Variants in GATA4 observed in about 807,000 individuals in gnomAD.
GATA4 encodes transcription factor GATA-4.
GATA4 carries 7 observed loss-of-function variants against 37.9 expected under a neutral mutation model. The observed-to-expected ratio is 0.18, with a 90% CI of 0.11 to 0.35. GATA4 has a LOEUF of 0.35. Ranked by LOEUF, GATA4 falls within the 10% of genes least tolerant of loss-of-function variation. GATA4 has a pLI of 1.00. For missense variants in GATA4, 647 were observed against 653.0 expected (o/e 0.99, Z 0.10); for synonymous variants, 372 against 292.6 (o/e 1.27, Z -2.77).
chr8:11,747,272 G>A (rs917345728), intron 2 of GATA4, among the ~76,000 whole-genome samples: 3 of 152,214 alleles, frequency 2.0e-5, no homozygotes, highest in Non-Finnish European at 4.4e-5. Context: ...TAGAGACTAC[G>A]GGGAGCAAGA....
intron 2 of GATA4, among the ~76,000 whole-genome samples, chr8:11,743,617 TC>T (rs1801872359): frequency 1.3e-5 from 2 of 152,362 alleles, no homozygotes; most frequent in Admixed American, 1.3e-4. Flanking sequence ...TCCCGTGCCT[TC>T]CCTCTCCCCG....
At chr8:11,736,557 G>T (rs933929895) in intron 2 of GATA4, among the ~76,000 whole-genome samples, 1 of 152,236 alleles carries the variant, frequency 6.6e-6, no homozygotes, top group African/African-American at 2.4e-5. Context: ...TGCAGCCCAG[G>T]GCGCCCTCTA....
At chr8:11,697,930 G>A (rs556477047) in intron 1 of GATA4, 2 of 985,482 alleles carry the variant, frequency 2.0e-6, no homozygotes, top group African/African-American at 3.5e-5. Context: ...CCCCTGATGT[G>A]CGCGTTGAGG....
At chr8:11,756,633 G>A in intron 5 of GATA4, 2 of 469,404 alleles carry the variant, frequency 4.3e-6, no homozygotes, top group South Asian at 2.1e-5. Context: ...GAGGTATTCT[G>A]TAATAATACA....
chr8:11,690,767 A>T (rs1205207348), upstream of GATA4, among the ~76,000 whole-genome samples: 1 of 152,192 alleles, frequency 6.6e-6, no homozygotes, highest in Non-Finnish European at 1.5e-5. Flanking sequence ...GCTACTCCGG[A>T]GGCCGAGGTG....
chr8:11,680,594 G>C, intron 1 of GATA4: 1 of 985,338 alleles, frequency 1.0e-6, no homozygotes, highest in Non-Finnish European at 1.2e-6. Flanking sequence ...TGCCCAGCCG[G>C]GTCCGAGCGG....
chr8:11,684,160 A>G (rs1189631836), intron 1 of GATA4, among the ~76,000 whole-genome samples: 2 of 152,218 alleles, frequency 1.3e-5, no homozygotes, highest in Non-Finnish European at 2.9e-5. Flanking sequence ...AAAGCCCCTG[A>G]AACCTGAAGA....
intron 5 of GATA4, 87 bp from the exon 6 acceptor site, chr8:11,756,848 T>C: frequency 6.4e-7 from 1 of 1,570,086 alleles, no homozygotes; most frequent in Non-Finnish European, 8.8e-7. Flanking sequence ...GCCATTAGCT[T>C]GCACCCATCC....
chr8:11,714,700 G>T (rs1011075268), intron 2 of GATA4, among the ~76,000 whole-genome samples: 1 of 152,186 alleles, frequency 6.6e-6, no homozygotes, highest in Admixed American at 6.5e-5. Context: ...GGCCACATTT[G>T]CTAGGCACTT....
chr8:11,718,786 G>A (rs558240351), intron 2 of GATA4, among the ~76,000 whole-genome samples: 4 of 152,228 alleles, frequency 2.6e-5, no homozygotes, highest in Non-Finnish European at 4.4e-5. Flanking sequence ...AAACCTTATC[G>A]CCTCCATTTA....
upstream of GATA4, among the ~76,000 whole-genome samples, chr8:11,699,493 T>C (rs962724853): frequency 1.3e-4 from 20 of 152,238 alleles, no homozygotes; most frequent in Admixed American, 6.5e-5. Context: ...GTGGGTGGCC[T>C]GGGCAGTAGG....
chr8:11,740,320 C>T (rs1801668544), intron 2 of GATA4, among the ~76,000 whole-genome samples: 1 of 152,230 alleles, frequency 6.6e-6, no homozygotes, highest in Non-Finnish European at 1.5e-5. Flanking sequence ...GGTGGCCACA[C>T]ACCCTGGTGT....
Position 11,749,039 on chromosome 8 carries a change from A to G in GATA4, c.740A>G (p.Lys247Arg). Residue 247 changes from lysine (K) to arginine (R), a missense_variant, in exon 3 of 7, where the codon AAG becomes AGG. By Grantham distance (26) the Lys-to-Arg change is conservative (BLOSUM62 2). Coordinates refer to ENST00000532059, the MANE Select transcript of GATA4 (RefSeq NM_001308093.3). This position sits in a 1 kb window ranked among gnomAD's most constrained non-coding sequence, Gnocchi z 4.6. ...YLCNACGLYH[K>R]MNGINRPLIK... Reference sequence around the variant, plus strand: ...TGCAACGCCTGCGGCCTCTACCACAAGATGAACGGCATCAACCGGCCGCTC... The same window carrying G: ...TGCAACGCCTGCGGCCTCTACCACAGGATGAACGGCATCAACCGGCCGCTC... The G allele has an allele frequency of 6.2e-7, 1 of 1,614,234 alleles. No individual in the cohort carries two copies.
intron 2 of GATA4, among the ~76,000 whole-genome samples, chr8:11,728,958 C>T (rs1012402995): frequency 3.3e-5 from 5 of 152,090 alleles, no homozygotes; most frequent in African/African-American, 9.7e-5. Flanking sequence ...GACGGCCAGG[C>T]GTGGTGGCTC....
At chr8:11,757,415 G>C (rs1210337919) in intron 6 of GATA4, among the ~76,000 whole-genome samples, 1 of 152,240 alleles carries the variant, frequency 6.6e-6, no homozygotes, top group African/African-American at 2.4e-5. Flanking sequence ...TACAGCATGG[G>C]TGGCAGGGGC....
In GATA4 at chr8:11,756,448, C is replaced by T. The variant is rs17153768; in HGVS notation, c.1001-487C>T. ...AGAGAAGACATACGGTTCAGGCGCA[C>T]GATTCCCAGTCCAAAATTCCAAATC... On this transcript the variant is annotated intron_variant, in intron 5 of 6. Transcript: ENST00000532059. 1,544 of 232,444 alleles carry T rather than the reference C, an allele frequency of 6.6e-3. 28 individuals carry two copies. The highest frequency in any genetic ancestry group is 0.032 in the African/African-American group (1,401 of 43,828). The allele number at this position is 232,444 out of a possible 1,614,324, so 14.4% of individuals were successfully genotyped here.
chr8:11,682,704 A>C (rs936094072), intron 1 of GATA4, among the ~76,000 whole-genome samples: 1 of 152,248 alleles, frequency 6.6e-6, no homozygotes, highest in Non-Finnish European at 1.5e-5. Context: ...AAAGTCAGCT[A>C]TGTCTCCTCT....
chr8:11,713,126 G>C lies in GATA4; in HGVS notation c.616+4198G>C, dbSNP rs552800824. Among the ~76,000 whole-genome samples, 4 of 152,044 alleles carry C rather than the reference G, an allele frequency of 2.6e-5. No homozygotes were observed. The East Asian group carries it at 7.7e-4, about 29-fold the overall frequency. On this transcript the variant is annotated intron_variant, in intron 2 of 6. Transcript: ENST00000532059. Reference sequence around the variant, plus strand: ...GTTCTTATGTTGGTTATGTGAATAGGGCAAAAATCAAAACAATAATAAATA... The same window carrying C: ...GTTCTTATGTTGGTTATGTGAATAGCGCAAAAATCAAAACAATAATAAATA...
At chr8:11,679,262 ATCTCCAC>A (rs1798878196) in intron 1 of GATA4, among the ~76,000 whole-genome samples, 1 of 149,522 alleles carries the variant, frequency 6.7e-6, no homozygotes, top group Non-Finnish European at 1.5e-5. Context: ...CCTGCCTCGG[ATCTCCAC>A]GGTCGCGCGA....
Sources: allele counts gnomAD v4.1 joint callset (sites outside exome capture counted in the v4.1 genomes callset), GRCh38; gene constraint gnomAD v4.1.1; non-coding constraint Gnocchi (gnomAD v3.1); transcripts MANE v1.5; gene names NCBI Gene and HGNC (gene_info 2026-07-23, HGNC 2026-07-21).